PLB1: variants seen among roughly 807,000 people sequenced by gnomAD.
The protein encoded by PLB1 is phospholipase B1, membrane-associated.
In PLB1, 242 loss-of-function variants were observed where a neutral mutation model predicts 227.4. That is an observed-to-expected ratio of 1.06 (90% CI 0.96 to 1.18). The LOEUF is 1.18. PLB1 is among the 50% of genes most tolerant of loss of function. The probability of loss-of-function intolerance (pLI) is 0.00; values close to 1 mark genes in which losing one functional copy is unlikely to be tolerated. For missense variants in PLB1, 1,858 were observed against 1,816.3 expected (o/e 1.02, Z -0.42); for synonymous variants, 757 against 682.2 (o/e 1.11, Z -1.71).
At chr2:28,618,494 T>TGAAA in intron 46 of PLB1, 95 bp downstream of exon 46, 2 of 1,316,596 alleles carry the variant, frequency 1.5e-6, no homozygotes, top group South Asian at 1.2e-5. Context: ...CCGCTTTCAG[T>TGAAA]GCTGAGCCCG....
At chr2:28,581,351 A>G (rs1357184718) in intron 23 of PLB1, among the ~76,000 whole-genome samples, 2 of 151,968 alleles carry the variant, frequency 1.3e-5, no homozygotes, top group Non-Finnish European at 2.9e-5. Flanking sequence ...ATCGGGCCAT[A>G]GGACAGAGGC....
At chr2:28,518,890 A>G (rs941364912) in intron 3 of PLB1, among the ~76,000 whole-genome samples, 1 of 152,176 alleles carries the variant, frequency 6.6e-6, no homozygotes, top group African/African-American at 2.4e-5. Context: ...CCTGGATGCT[A>G]TGAATTCTCT....
chr2:28,553,698 AG>A (rs201172247), intron 17 of PLB1, among the ~76,000 whole-genome samples: 18 of 151,908 alleles, frequency 1.2e-4, no homozygotes, highest in African/African-American at 3.6e-4. Flanking sequence ...TTGGTCCTAA[AG>A]GGGGGGGACT....
Position 28,630,616 on chromosome 2 carries a change from A to G in PLB1, c.3849A>G (p.Gln1283=), listed in dbSNP as rs1043966430. 5 of 1,613,740 alleles carry G rather than the reference A, an allele frequency of 3.1e-6. No homozygotes were observed. In the East Asian group the frequency reaches 1.1e-4, roughly 36 times the overall value. ...ACTGCACTTGCCTCAGACACTCGCA[A>G]AGCTCCCTGGAGAAGCAAGAACTGA... ...QNNCTCLRHS[Q]SSLEKQELKK... The change falls in exon 54 of 58, where the codon CAA becomes CAG. Residue 1283 remains glutamine (Q), a synonymous_variant. Coordinates refer to ENST00000327757, the MANE Select transcript of PLB1 (RefSeq NM_153021.5).
intron 1 of PLB1, among the ~76,000 whole-genome samples, chr2:28,499,375 A>G (rs139286646): frequency 6.6e-6 from 1 of 152,252 alleles, no homozygotes; most frequent in Non-Finnish European, 1.5e-5. Context: ...TTGCTTTGTA[A>G]CAAAGCAATG....
intron 35 of PLB1, among the ~76,000 whole-genome samples, chr2:28,599,663 C>T (rs1246417539): frequency 6.6e-6 from 1 of 152,210 alleles, no homozygotes; most frequent in Non-Finnish European, 1.5e-5. Flanking sequence ...ATCACTCAGG[C>T]TGGAATGCAG....
At chr2:28,554,287 A>G (rs892932565) in intron 17 of PLB1, among the ~76,000 whole-genome samples, 11 of 146,216 alleles carry the variant, frequency 7.5e-5, no homozygotes, top group African/African-American at 1.3e-4. Context: ...GTGTGTTTAT[A>G]TAGATAGATG....
chr2:28,620,125 T>A, intron 46 of PLB1, 140 bp from the exon 47 acceptor site: 1 of 552,332 alleles, frequency 1.8e-6, no homozygotes, highest in South Asian at 2.9e-5. Context: ...ACTCCAAGTT[T>A]AATATGGCCT....
At position 28,518,562 on chromosome 2, in the gene PLB1, A is replaced by G. The variant is rs1386942691; in HGVS notation, c.184+30A>G. On this transcript the variant is annotated intron_variant, in intron 3 of 57. Coordinates refer to ENST00000327757, the MANE Select transcript of PLB1 (RefSeq NM_153021.5). Reference sequence around the variant, plus strand: ...GTAACCCTTGGCCATGAGCAGGAAAAGCCTGGCGTTTTCTCTCTGAAGTGG... The same window carrying G: ...GTAACCCTTGGCCATGAGCAGGAAAGGCCTGGCGTTTTCTCTCTGAAGTGG... 3.8e-6 allele frequency: 6 copies of G among 1,568,962 alleles called. 2 individuals are homozygous for G. In the South Asian group the frequency reaches 4.4e-5, roughly 12 times the overall value.
In PLB1 at chr2:28,614,051, C is replaced by A; in HGVS notation, c.3150C>A (p.Thr1050=). Residue 1050 remains threonine, a synonymous_variant, in exon 44 of 58, where the codon ACC becomes ACA. Coordinates refer to ENST00000327757, the MANE Select transcript of PLB1 (RefSeq NM_153021.5). ...CPTQNEPFLR[T]PRNSNYTYPI... ...CTTAGAATGAGCCCTTCCTGAGAAC[C>A]CCTCGGAATAGTAACTACACGTACC... 6.2e-7 allele frequency: 1 copy of A among 1,612,944 alleles called. No individual in the cohort carries two copies. Among genetic ancestry groups the A allele is most frequent in the Non-Finnish European group, 8.5e-7 (1 of 1,179,102 alleles).
chr2:28,526,560 C>T (rs1173016652), intron 6 of PLB1, among the ~76,000 whole-genome samples: 3 of 152,008 alleles, frequency 2.0e-5, no homozygotes, highest in East Asian at 3.8e-4. Context: ...TCAGAGATTC[C>T]TTATAATTCT....
intron 26 of PLB1, among the ~76,000 whole-genome samples, chr2:28,587,977 G>A (rs983770696): frequency 3.3e-5 from 5 of 152,116 alleles, no homozygotes; most frequent in Admixed American, 2.6e-4. Flanking sequence ...ATGTTCCCAG[G>A]GCTGATCCTG....
intron 19 of PLB1, 79 bp downstream of exon 19, chr2:28,565,432 A>G: frequency 3.0e-6 from 4 of 1,333,284 alleles, no homozygotes; most frequent in Non-Finnish European, 3.1e-6. Context: ...CTAGAAAACA[A>G]CGCCTTAAGC....
At chr2:28,542,074 AG>A (rs1239768093) in intron 13 of PLB1, among the ~76,000 whole-genome samples, 1 of 151,166 alleles carries the variant, frequency 6.6e-6, no homozygotes, top group African/African-American at 2.4e-5. Context: ...CAGAGGCTTC[AG>A]TGAGCTGAGA....
intron 7 of PLB1, 110 bp from the exon 8 acceptor site, chr2:28,529,618 G>C (rs1572776936): frequency 8.5e-7 from 1 of 1,175,758 alleles, no homozygotes; most frequent in Non-Finnish European, 1.2e-6. Context: ...AGAAGCCAGG[G>C]GTGGATAAAG....
chr2:28,588,742 T>TA (rs1300165379), intron 26 of PLB1, among the ~76,000 whole-genome samples: 1 of 152,186 alleles, frequency 6.6e-6, no homozygotes, highest in Non-Finnish European at 1.5e-5. Flanking sequence ...GCAATATAAA[T>TA]ATACATTAAA....
intron 17 of PLB1, among the ~76,000 whole-genome samples, chr2:28,562,051 G>T (rs1317461621): frequency 1.3e-5 from 2 of 152,150 alleles, no homozygotes; most frequent in African/African-American, 4.8e-5. Context: ...CAGAAAGCAA[G>T]TTTTTGGTTA....
At chr2:28,641,094 C>A in intron 57 of PLB1, 93 bp downstream of exon 57, 1 of 1,212,958 alleles carries the variant, frequency 8.2e-7, no homozygotes, top group Non-Finnish European at 1.1e-6. Context: ...CCCGGGGATG[C>A]TCCCTCAAAT....
rs1690198965 is a variant in PLB1, at chr2:28,643,623, A to G, written c.*562A>G. 1 of 152,320 alleles carries G rather than the reference A, an allele frequency of 6.6e-6. No homozygotes were observed. 9.4% of individuals were successfully genotyped at this position (152,320 alleles called of 1,614,324 possible). ...CTGGCAGAGAGGTCAAACTCCTTCA[A>G]TAACCAAGAAGCCACGTGATGATGT... On this transcript the variant is annotated 3_prime_UTR_variant, in exon 58 of 58. Transcript: ENST00000327757.
Sources: allele counts gnomAD v4.1 joint callset (sites outside exome capture counted in the v4.1 genomes callset), GRCh38; gene constraint gnomAD v4.1.1; transcripts MANE v1.5; gene names NCBI Gene and HGNC (gene_info 2026-07-23, HGNC 2026-07-21).